Variants in AKAP19 observed in about 807,000 individuals in gnomAD.
AKAP19 encodes small A-kinase anchoring protein.
the AKAP19 span, among the ~76,000 whole-genome samples, chr2:190,055,005 G>A: frequency 6.6e-6 from 1 of 152,112 alleles, no homozygotes; most frequent in South Asian, 2.1e-4. Context: ...TATAAATCAT[G>A]CTGCTATAAA....
the AKAP19 span, among the ~76,000 whole-genome samples, chr2:190,148,246 T>C: frequency 0.95 from 144,660 of 152,192 alleles, 69,204 homozygotes; most frequent in East Asian, 1. Context: ...ATGCTTTTTC[T>C]GCATCTATTG....
the AKAP19 span, among the ~76,000 whole-genome samples, chr2:190,096,222 GT>G: frequency 6.6e-6 from 1 of 152,310 alleles, no homozygotes; most frequent in East Asian, 1.9e-4. Flanking sequence ...TCCCACGAAA[GT>G]CTCCTGTGGC....
the AKAP19 span, among the ~76,000 whole-genome samples, chr2:190,130,737 G>A: frequency 6.6e-6 from 1 of 152,150 alleles, no homozygotes; most frequent in Non-Finnish European, 1.5e-5. Flanking sequence ...AAATAGTTCT[G>A]CACAAGTTTA....
chr2:190,176,854 G>A, the AKAP19 span, among the ~76,000 whole-genome samples: 6 of 152,178 alleles, frequency 3.9e-5, no homozygotes, highest in Admixed American at 1.3e-4. The surrounding 1 kb of genome is among the most constrained non-coding windows in gnomAD (Gnocchi z 4.7). Context: ...AGCCAAATCC[G>A]AATAAAATCT....
chr2:189,990,663 C>T, the AKAP19 span, among the ~76,000 whole-genome samples: 8 of 152,070 alleles, frequency 5.3e-5, no homozygotes, highest in African/African-American at 1.7e-4. Context: ...CTTCTTTTTT[C>T]TTAAAGAGCT....
the AKAP19 span, among the ~76,000 whole-genome samples, chr2:190,009,702 G>A: frequency 6.6e-6 from 1 of 152,096 alleles, no homozygotes; most frequent in Admixed American, 6.6e-5. Context: ...TTAAATTTGG[G>A]AGCCTTCGTC....
At chr2:189,911,251 C>T in the AKAP19 span, among the ~76,000 whole-genome samples, 3 of 152,112 alleles carry the variant, frequency 2.0e-5, no homozygotes, top group Non-Finnish European at 2.9e-5. Flanking sequence ...TGTTACTCTT[C>T]GTACCATTTT....
chr2:189,995,698 G>A, the AKAP19 span, among the ~76,000 whole-genome samples: 10 of 151,170 alleles, frequency 6.6e-5, no homozygotes, highest in African/African-American at 1.5e-4. Context: ...TTTTTTCACC[G>A]TGTTGTTGTT....
At chr2:190,098,043 T>A in the AKAP19 span, among the ~76,000 whole-genome samples, 1 of 152,114 alleles carries the variant, frequency 6.6e-6, no homozygotes, top group Non-Finnish European at 1.5e-5. Context: ...CCCCCCAAAG[T>A]CATTCATGAA....
the AKAP19 span, among the ~76,000 whole-genome samples, chr2:190,152,969 T>C: frequency 3.0e-4 from 45 of 152,110 alleles, no homozygotes; most frequent in South Asian, 5.8e-3. Flanking sequence ...GATTTCAGCT[T>C]ACTGCAAGCT....
the AKAP19 span, among the ~76,000 whole-genome samples, chr2:189,967,291 A>C: frequency 6.6e-6 from 1 of 152,172 alleles, no homozygotes; most frequent in Non-Finnish European, 1.5e-5. Flanking sequence ...TGGAATAGGG[A>C]ACCTAGGTTG....
the AKAP19 span, among the ~76,000 whole-genome samples, chr2:189,939,718 T>G: frequency 6.6e-6 from 1 of 152,190 alleles, no homozygotes; most frequent in Non-Finnish European, 1.5e-5. Context: ...ACAGAGAGAT[T>G]GAAATAATTT....
chr2:189,952,312 C>A, the AKAP19 span, among the ~76,000 whole-genome samples: 1 of 152,196 alleles, frequency 6.6e-6, no homozygotes, highest in Non-Finnish European at 1.5e-5. Flanking sequence ...TTTTCCTCCC[C>A]TATACAAGAA....
chr2:189,912,961 A>T, the AKAP19 span, among the ~76,000 whole-genome samples: 3 of 152,172 alleles, frequency 2.0e-5, no homozygotes, highest in Non-Finnish European at 4.4e-5. Context: ...AAAGCTGTAG[A>T]GTATTTTATT....
the AKAP19 span, among the ~76,000 whole-genome samples, chr2:190,020,008 C>T: frequency 3.9e-4 from 60 of 152,248 alleles, no homozygotes; most frequent in East Asian, 7.3e-3. Context: ...ATCTTGCTTA[C>T]GCCACTCCCC....
the AKAP19 span, among the ~76,000 whole-genome samples, chr2:189,961,893 C>T: frequency 6.7e-6 from 1 of 149,950 alleles, no homozygotes; most frequent in Non-Finnish European, 1.5e-5. Flanking sequence ...GCCTGGGTGA[C>T]AGAGCGAGAC....
At chr2:190,052,705 G>T in the AKAP19 span, among the ~76,000 whole-genome samples, 1 of 152,086 alleles carries the variant, frequency 6.6e-6, no homozygotes, top group East Asian at 1.9e-4. Flanking sequence ...GTAGGAAAAG[G>T]TTTCTCAATA....
the AKAP19 span, among the ~76,000 whole-genome samples, chr2:190,119,991 A>G: frequency 6.6e-6 from 1 of 152,178 alleles, no homozygotes; most frequent in South Asian, 2.1e-4. Context: ...TATCAACACA[A>G]ATGAGTAAAG....
chr2:189,923,849 T>A, the AKAP19 span: 1 of 1,610,656 alleles, frequency 6.2e-7, no homozygotes, highest in African/African-American at 1.3e-5. Context: ...ATCTTCCAAG[T>A]CTGGAAAGTT....
Sources: allele counts gnomAD v4.1 joint callset (sites outside exome capture counted in the v4.1 genomes callset), GRCh38; gene constraint gnomAD v4.1.1; non-coding constraint Gnocchi (gnomAD v3.1); transcripts MANE v1.5; gene names NCBI Gene and HGNC (gene_info 2026-07-23, HGNC 2026-07-21).